Variants in GAK observed in about 807,000 individuals in gnomAD.
The protein encoded by GAK is cyclin-G-associated kinase.
GAK carries 79 observed loss-of-function variants against 143.9 expected under a neutral mutation model. The observed-to-expected ratio is 0.55, with a 90% CI of 0.46 to 0.66. GAK has a LOEUF of 0.66. Among genes scored for constraint, GAK ranks in the 30% least tolerant of loss-of-function variants. The pLI is 0.00. For missense variants in GAK, 1,693 were observed against 1,779.7 expected, an observed-to-expected ratio of 0.95 and a Z score of 0.88; for synonymous variants, 881 against 765.5, an observed-to-expected ratio of 1.15 and a Z score of -2.49.
At chr4:907,279 G>T (rs754229658) in intron 4 of GAK, among the ~76,000 whole-genome samples, 1 of 152,136 alleles carries the variant, frequency 6.6e-6, no homozygotes, top group South Asian at 2.1e-4. Context: ...CAGCTCTGCC[G>T]GCCCTGGCCC....
At chr4:889,101 T>A in intron 10 of GAK, 131 bp from the exon 11 acceptor site, 1 of 1,196,046 alleles carries the variant, frequency 8.4e-7, no homozygotes, top group South Asian at 1.6e-5. Flanking sequence ...CCTCCCCAGG[T>A]GCAGGTTGCT....
chr4:871,485 A>C (rs1712607679), intron 18 of GAK, among the ~76,000 whole-genome samples: 1 of 152,228 alleles, frequency 6.6e-6, no homozygotes, highest in Admixed American at 6.5e-5. Flanking sequence ...GATGCCCATA[A>C]AACCAAGACC....
intron 22 of GAK, among the ~76,000 whole-genome samples, chr4:865,846 G>A (rs11248052): frequency 6.6e-6 from 1 of 152,112 alleles, no homozygotes; most frequent in Non-Finnish European, 1.5e-5. Context: ...GGAGGGGCGC[G>A]CAGCCCTCTC....
At chr4:856,650 G>GCTCACCACAGCTGCTCACAC (rs1236212419) in intron 24 of GAK, among the ~76,000 whole-genome samples, 3 of 72,836 alleles carry the variant, frequency 4.1e-5, no homozygotes, top group African/African-American at 2.0e-4. Flanking sequence ...GCTCACACCT[G>GCTCACCACAGCTGCTCACAC]CTCACCATAG....
Position 859,702 on chromosome 4 carries a change from C to T in GAK, c.3187G>A (p.Gly1063Ser). The T allele has an allele frequency of 6.3e-7, 1 of 1,595,212 alleles. No individual in the cohort carries two copies. Among genetic ancestry groups the T allele is most frequent in the East Asian group, 2.3e-5 (1 of 44,286 alleles). ...ATEGPLFSPG[G>S]QPAPCGSQAS... ...TGAGAGCCACAAGGGGCCGGCTGAC[C>T]TCCAGGAGAGAAGAGGGGGCCTGGA... Residue 1063 changes from glycine to serine, a missense_variant, in exon 24 of 28, where the codon GGT (glycine) becomes AGT (serine). Coordinates refer to ENST00000314167, the MANE Select transcript of GAK (RefSeq NM_005255.4).
At chr4:919,525 C>T (rs190086422) in intron 1 of GAK, among the ~76,000 whole-genome samples, 35 of 152,374 alleles carry the variant, frequency 2.3e-4, no homozygotes, top group African/African-American at 7.5e-4. Context: ...CTTCCTCAAA[C>T]GCAGCAGGCC....
At chr4:916,011 T>C (rs1167391825) in intron 1 of GAK, among the ~76,000 whole-genome samples, 1 of 152,230 alleles carries the variant, frequency 6.6e-6, no homozygotes, top group African/African-American at 2.4e-5. Flanking sequence ...TTCAGGATGG[T>C]TGTTGGATAT....
chr4:854,590 C>A (rs1463624308), intron 24 of GAK, among the ~76,000 whole-genome samples: 1 of 152,192 alleles, frequency 6.6e-6, no homozygotes, highest in Non-Finnish European at 1.5e-5. Context: ...GGGTTTTCTG[C>A]CTCTGTCAAA....
chr4:930,608 G>A (rs541553381), intron 1 of GAK, among the ~76,000 whole-genome samples: 7 of 151,526 alleles, frequency 4.6e-5, no homozygotes, highest in Non-Finnish European at 1.0e-4. Flanking sequence ...CAAGTCTGAA[G>A]TTCCAGAAAG....
intron 1 of GAK, among the ~76,000 whole-genome samples, chr4:917,295 C>T (rs894848475): frequency 6.7e-6 from 1 of 149,704 alleles, no homozygotes; most frequent in Non-Finnish European, 1.5e-5. Flanking sequence ...CTAGAAAATG[C>T]AAATGAATCT....
At chr4:860,092 T>A (rs962817402) in intron 23 of GAK, among the ~76,000 whole-genome samples, 5 of 152,184 alleles carry the variant, frequency 3.3e-5, no homozygotes, top group Admixed American at 6.5e-5. Context: ...AATCATAAAA[T>A]ACAGGCTGGG....
chr4:851,333 C>T (rs1416676571), intron 25 of GAK: 3 of 445,084 alleles, frequency 6.7e-6, no homozygotes, highest in Non-Finnish European at 8.2e-6. Context: ...TGGGCTCCAG[C>T]GATCTGTCCG....
chr4:907,354 T>A (rs571416119), intron 4 of GAK, among the ~76,000 whole-genome samples: 1 of 152,210 alleles, frequency 6.6e-6, no homozygotes, highest in African/African-American at 2.4e-5. Context: ...GTGCTGACCC[T>A]CTGAGAAACA....
At chr4:856,354 C>CAG (rs1749180815) in intron 24 of GAK, among the ~76,000 whole-genome samples, 2 of 127,718 alleles carry the variant, frequency 1.6e-5, no homozygotes, top group Non-Finnish European at 3.3e-5. Context: ...CCTGCTCACA[C>CAG]CTGCTCACCA....
chr4:870,882 T>C lies in GAK; in HGVS notation c.2077A>G (p.Ile693Val). The stretch of plus-strand genomic sequence containing the variant: ...AATAAATCCGGGTATTTTTCTTGAA[T>C]GTCACACGCGTCCAGGTCATACCTG... The part of the protein sequence containing the change: ...FAKYDLDACD[I>V]QEKYPDLFQV... Residue 693 changes from isoleucine to valine, a missense_variant, in exon 19 of 28, where the codon ATT becomes GTT. Transcript: ENST00000314167. 1.2e-6 allele frequency: 2 copies of C among 1,613,718 alleles called. No individual in the cohort carries two copies. The highest frequency in any genetic ancestry group is 2.2e-5 in the East Asian group (1 of 44,878).
chr4:868,165 C>T (rs1044725536), intron 20 of GAK, among the ~76,000 whole-genome samples: 1 of 152,040 alleles, frequency 6.6e-6, no homozygotes, highest in Admixed American at 6.5e-5. Flanking sequence ...GGGGTGTGGG[C>T]AAAGAGAGGT....
At chr4:882,903 G>A in intron 13 of GAK, 84 bp from the exon 14 acceptor site, 3 of 1,540,342 alleles carry the variant, frequency 1.9e-6, no homozygotes, top group Non-Finnish European at 1.8e-6. Context: ...CCTGCCTGCA[G>A]TGCGGGGGCC....
rs1458702916 is a variant in GAK at position 877,614 on chromosome 4, C to T, written c.1856+1G>A. On this transcript the variant is annotated splice_donor_variant, in intron 16 of 27. Transcript: ENST00000314167. LOFTEE classifies it high-confidence loss of function. ...CAGCGTGGGGCTGCAGCTGCACTCA[C>T]CGCATCTTGTCGTACTCCTGGGAGG... 2 of 1,578,024 alleles carry T rather than the reference C, an allele frequency of 1.3e-6. No homozygotes were observed. The highest frequency in any genetic ancestry group is 1.3e-5 in the African/African-American group (1 of 74,356).
intron 26 of GAK, 155 bp downstream of exon 26, chr4:850,781 C>G: frequency 1.3e-6 from 1 of 784,340 alleles, no homozygotes; most frequent in Non-Finnish European, 1.9e-6. Flanking sequence ...GTGACAGGTC[C>G]CTGTCTGGAG....
Sources: allele counts gnomAD v4.1 joint callset (sites outside exome capture counted in the v4.1 genomes callset), GRCh38; gene constraint gnomAD v4.1.1; transcripts MANE v1.5; gene names NCBI Gene and HGNC (gene_info 2026-07-23, HGNC 2026-07-21).